Variants in SLC4A5 observed in about 807,000 individuals in gnomAD.
SLC4A5 encodes electrogenic sodium bicarbonate cotransporter 4.
Under a neutral mutation model 120.4 loss-of-function variants are expected in SLC4A5, and 96 were observed. The ratio of observed to expected loss-of-function variants is 0.80; its 90% CI spans 0.68 to 0.94. The LOEUF is 0.94. SLC4A5 is among the 40% of genes least tolerant of loss of function. SLC4A5 has a pLI of 0.00. For missense variants in SLC4A5, 1,259 were observed against 1,459.5 expected (o/e 0.86, Z 2.24); for synonymous variants, 550 against 571.1 (o/e 0.96, Z 0.53).
intron 7 of SLC4A5, among the ~76,000 whole-genome samples, chr2:74,287,104 T>C (rs1373157399): frequency 2.6e-5 from 4 of 152,194 alleles, no homozygotes; most frequent in African/African-American, 4.8e-5. Flanking sequence ...CTCCTGGGCC[T>C]CATCAGGTCT....
chr2:74,269,334 T>C (rs969784150), intron 8 of SLC4A5, among the ~76,000 whole-genome samples: 3 of 152,038 alleles, frequency 2.0e-5, no homozygotes, highest in African/African-American at 7.2e-5. Context: ...GCCTCCTGAG[T>C]AGCTGGGATT....
chr2:74,262,096 C>T (rs950475003), intron 11 of SLC4A5, 41 bp downstream of exon 11: 2 of 1,584,682 alleles, frequency 1.3e-6, no homozygotes, highest in Non-Finnish European at 1.7e-6. Context: ...GCTGCCACAG[C>T]CTGAATAAAG....
chr2:74,262,300 G>T, intron 10 of SLC4A5, 68 bp from the exon 11 acceptor site: 2 of 1,285,364 alleles, frequency 1.6e-6, no homozygotes, highest in East Asian at 2.5e-5. Flanking sequence ...TCTTGGGTTA[G>T]TTCACTTTAA....
intron 22 of SLC4A5, among the ~76,000 whole-genome samples, chr2:74,234,421 C>T (rs1670204818): frequency 6.6e-6 from 1 of 152,196 alleles, no homozygotes; most frequent in African/African-American, 2.4e-5. Flanking sequence ...TCATGATCCG[C>T]CCACCTCGGC....
chr2:74,274,779 T>G (rs1671586051), intron 8 of SLC4A5, among the ~76,000 whole-genome samples: 1 of 152,112 alleles, frequency 6.6e-6, no homozygotes, highest in African/African-American at 2.4e-5. Flanking sequence ...GTTATAGGGG[T>G]TTGTTATGTT....
intron 24 of SLC4A5, 94 bp downstream of exon 24, chr2:74,232,375 T>C: frequency 6.8e-7 from 1 of 1,461,044 alleles, no homozygotes; most frequent in Non-Finnish European, 9.3e-7. Context: ...GGGGCCCTTT[T>C]TGTCCAAATC....
At chr2:74,232,269 G>A (rs1670114146) in intron 24 of SLC4A5, among the ~76,000 whole-genome samples, 200 bp downstream of exon 24, 1 of 152,152 alleles carries the variant, frequency 6.6e-6, no homozygotes, top group Admixed American at 6.5e-5. Context: ...AGCCCAGTAG[G>A]TAAAAAGCCC....
chr2:74,296,741 C>T (rs949534282), intron 7 of SLC4A5, among the ~76,000 whole-genome samples: 1 of 144,390 alleles, frequency 6.9e-6, no homozygotes, highest in African/African-American at 2.6e-5. Flanking sequence ...GAGCCGAGAT[C>T]GTGCCACTGC....
chr2:74,253,592 C>T (rs1300381364), intron 14 of SLC4A5, among the ~76,000 whole-genome samples: 1 of 152,024 alleles, frequency 6.6e-6, no homozygotes, highest in African/African-American at 2.4e-5. Flanking sequence ...ACATTTAACC[C>T]TTTCCCATTT....
chr2:74,264,221 C>T, exon 10 of SLC4A5: 4 of 1,614,258 alleles, frequency 2.5e-6, no homozygotes, highest in Non-Finnish European at 3.4e-6. Context: ...GCGGTGCCTC[C>T]TCAGGAGGAC....
At position 74,238,773 on chromosome 2, in the gene SLC4A5, C is replaced by T. The variant is rs112277117; in HGVS notation, c.2319+562G>A. On this transcript the variant is annotated intron_variant, in intron 21 of 30. Coordinates refer to ENST00000394019, the Ensembl canonical transcript of SLC4A5. Reference sequence around the variant, plus strand: ...AGAAGGTAACATACAAGAATATCTGCTGTCCAATATTTGCCTTGAGGAAAG... The same window carrying T: ...AGAAGGTAACATACAAGAATATCTGTTGTCCAATATTTGCCTTGAGGAAAG... Among the ~76,000 whole-genome samples the T allele has an allele frequency of 3.2e-4, 49 of 152,108 alleles. 1 individual carries two copies. The highest frequency in any genetic ancestry group is 5.9e-4 in the Non-Finnish European group (40 of 68,022).
At chr2:74,293,602 G>T (rs1430364823) in intron 7 of SLC4A5, among the ~76,000 whole-genome samples, 2 of 152,188 alleles carry the variant, frequency 1.3e-5, no homozygotes, top group African/African-American at 4.8e-5. Context: ...CGAAGCTGTG[G>T]GAAAGGGCTG....
At chr2:74,315,140 T>A in intron 5 of SLC4A5, 115 bp from the exon 6 acceptor site, 1 of 919,508 alleles carries the variant, frequency 1.1e-6, no homozygotes, top group Admixed American at 1.8e-5. Context: ...GATAAAAAAC[T>A]AAGACAAAAG....
At chr2:74,275,250 T>C (rs767588020) in intron 8 of SLC4A5, among the ~76,000 whole-genome samples, 1 of 152,182 alleles carries the variant, frequency 6.6e-6, no homozygotes, top group South Asian at 2.1e-4. Flanking sequence ...CCCAAGCTCA[T>C]GCATTTGGTG....
At chr2:74,252,248 G>C in exon 16 of SLC4A5, 2 of 1,609,816 alleles carry the variant, frequency 1.2e-6, no homozygotes, top group Non-Finnish European at 1.7e-6. Context: ...CCCGCTGCTT[G>C]TTCCGCCGGC....
intron 8 of SLC4A5, among the ~76,000 whole-genome samples, chr2:74,269,038 G>A (rs1031473268): frequency 5.3e-5 from 8 of 152,256 alleles, no homozygotes; most frequent in African/African-American, 1.9e-4. Context: ...GGGGGCTGGA[G>A]CCAGAGACCA....
At position 74,227,556 on chromosome 2, in the gene SLC4A5, G is replaced by A. The variant is rs142137764; in HGVS notation, c.2916+254C>T. On this transcript the variant is annotated intron_variant, in intron 26 of 30. Coordinates refer to ENST00000394019, the Ensembl canonical transcript of SLC4A5. Reference sequence around the variant, plus strand: ...TCTGGATTTTGAATTCTGACCCTCCGGTCCCCATCTGTAAAATGGGGATCA... The same window carrying A: ...TCTGGATTTTGAATTCTGACCCTCCAGTCCCCATCTGTAAAATGGGGATCA... The A allele has an allele frequency of 2.8e-4, 447 of 1,610,936 alleles. 2 individuals carry two copies. Among genetic ancestry groups the A allele is most frequent in the East Asian group, 2.5e-3 (112 of 44,792 alleles).
intron 8 of SLC4A5, among the ~76,000 whole-genome samples, chr2:74,274,959 A>G (rs927829482): frequency 4.6e-5 from 7 of 152,354 alleles, no homozygotes; most frequent in African/African-American, 1.7e-4. Context: ...AGATATGTCT[A>G]GGACTAGGAT....
At chr2:74,228,358 T>C (rs1694922331) in intron 25 of SLC4A5, among the ~76,000 whole-genome samples, 1 of 152,190 alleles carries the variant, frequency 6.6e-6, no homozygotes, top group Admixed American at 6.5e-5. Flanking sequence ...CCGGGTGTGG[T>C]GGCTCACACC....
Sources: allele counts gnomAD v4.1 joint callset (sites outside exome capture counted in the v4.1 genomes callset), GRCh38; gene constraint gnomAD v4.1.1; transcripts MANE v1.5; gene names NCBI Gene and HGNC (gene_info 2026-07-23, HGNC 2026-07-21).